The following IQCJ variants were observed in gnomAD, a reference collection of about 807,000 sequenced individuals.
IQCJ encodes IQ domain-containing protein J.
In IQCJ, 9 loss-of-function variants were observed where a neutral mutation model predicts 11.0. That is an observed-to-expected ratio of 0.82 (90% CI 0.49 to 1.43). The LOEUF (loss-of-function observed/expected upper bound fraction) is 1.43, where lower values mean the gene tolerates loss of function less well. IQCJ is among the 40% of genes most tolerant of loss of function. The pLI, the probability that IQCJ is intolerant of heterozygous loss-of-function variation, is 0.00. For missense variants in IQCJ, 146 were observed against 133.2 expected (o/e 1.10, Z -0.47); for synonymous variants, 55 against 51.3 (o/e 1.07, Z -0.31).
chr3:159,165,463 A>G (rs1722110798), intron 1 of IQCJ, among the ~76,000 whole-genome samples: 1 of 152,224 alleles, frequency 6.6e-6, no homozygotes, highest in Non-Finnish European at 1.5e-5. Context: ...TATCCCTCAG[A>G]TTATATTACA....
intron 1 of IQCJ, among the ~76,000 whole-genome samples, chr3:159,164,282 C>G (rs1259592713): frequency 6.6e-6 from 1 of 152,170 alleles, no homozygotes; most frequent in Non-Finnish European, 1.5e-5. Context: ...TCCTGCTTCC[C>G]CACTGACCTG....
At chr3:159,262,086 G>A (rs1203728468) in intron 3 of IQCJ, among the ~76,000 whole-genome samples, 7 of 152,224 alleles carry the variant, frequency 4.6e-5, no homozygotes, top group African/African-American at 1.7e-4. Context: ...GCTGTGCACG[G>A]CAGAGTCCCT....
intron 1 of IQCJ, among the ~76,000 whole-genome samples, chr3:159,209,498 G>A (rs536685634): frequency 6.6e-6 from 1 of 152,244 alleles, no homozygotes; most frequent in African/African-American, 2.4e-5. Context: ...CAAAAGGGCA[G>A]GGTGTCTGTC....
chr3:159,205,153 G>A (rs1370966879), intron 1 of IQCJ, among the ~76,000 whole-genome samples: 2 of 152,128 alleles, frequency 1.3e-5, no homozygotes, highest in Non-Finnish European at 2.9e-5. Flanking sequence ...CAAGTTTGGG[G>A]GCTTCTGAAA....
chr3:159,201,478 T>G (rs1159292437), intron 1 of IQCJ, among the ~76,000 whole-genome samples: 1 of 151,464 alleles, frequency 6.6e-6, no homozygotes, highest in Non-Finnish European at 1.5e-5. Flanking sequence ...AATGCATCTA[T>G]GTAAGCACCA....
chr3:159,250,442 T>G (rs2108209342), intron 2 of IQCJ, among the ~76,000 whole-genome samples: 1 of 152,264 alleles, frequency 6.6e-6, no homozygotes, highest in Non-Finnish European at 1.5e-5. Context: ...ATTATAAAAA[T>G]AAGACTTTCT....
chr3:159,251,902 T>G (rs564932560), intron 2 of IQCJ, among the ~76,000 whole-genome samples: 1 of 152,276 alleles, frequency 6.6e-6, no homozygotes, highest in African/African-American at 2.4e-5. Context: ...ATAAATAAGA[T>G]AATGCACATA....
At chr3:159,253,065 T>C (rs1490640842) in intron 3 of IQCJ, among the ~76,000 whole-genome samples, 3 of 152,172 alleles carry the variant, frequency 2.0e-5, no homozygotes, top group Non-Finnish European at 4.4e-5. Flanking sequence ...GTACAATCCT[T>C]TAACTTCCAC....
intron 1 of IQCJ, among the ~76,000 whole-genome samples, chr3:159,200,442 T>G (rs138274268): frequency 6.2e-4 from 94 of 152,250 alleles, no homozygotes; most frequent in African/African-American, 2.2e-3. Flanking sequence ...AGGGTTATTT[T>G]GCTGCAACCA....
chr3:159,211,868 G>T (rs1445413758), intron 1 of IQCJ, among the ~76,000 whole-genome samples: 1 of 151,924 alleles, frequency 6.6e-6, no homozygotes, highest in Non-Finnish European at 1.5e-5. Flanking sequence ...TATCAAAACT[G>T]GAGTCAAATC....
chr3:159,164,134 C>T (rs1722033698), intron 1 of IQCJ, among the ~76,000 whole-genome samples: 1 of 152,212 alleles, frequency 6.6e-6, no homozygotes, highest in Non-Finnish European at 1.5e-5. Context: ...CCCCTTTAAA[C>T]TTACTTTATA....
chr3:159,070,552 T>G (rs980969363), intron 1 of IQCJ, among the ~76,000 whole-genome samples: 1 of 152,114 alleles, frequency 6.6e-6, no homozygotes, highest in Non-Finnish European at 1.5e-5. Context: ...TAACTGATCT[T>G]GAGTATTGCT....
intron 1 of IQCJ, among the ~76,000 whole-genome samples, chr3:159,104,441 G>C (rs1384263359): frequency 6.6e-6 from 1 of 152,226 alleles, no homozygotes; most frequent in African/African-American, 2.4e-5. Context: ...CTGTGTGTAA[G>C]TGTAATTGTA....
Position 159,262,627 on chromosome 3 carries a change from T to G in IQCJ, c.235T>G (p.Ser79Ala). 6.2e-7 allele frequency: 1 copy of G among 1,614,008 alleles called. No individual in the cohort carries two copies. The highest frequency in any genetic ancestry group is 8.5e-7 in the Non-Finnish European group (1 of 1,179,886). The part of the protein sequence containing the change: ...KRSPSPPSVS[S>A]EKLSSSVSMN... ...GAGCCCGTCCCCACCCTCTGTCTCC[T>G]CAGAGAAGCTGAGCAGCTCTGTCAG... Residue 79 changes from serine (S) to alanine (A), a missense_variant, in exon 4 of 4, where the codon TCA becomes GCA. Physicochemically the swap from Ser to Ala is moderately conservative, Grantham distance 99. Transcript: ENST00000397832.
intron 1 of IQCJ, among the ~76,000 whole-genome samples, chr3:159,157,784 A>G (rs561787420): frequency 2.0e-5 from 3 of 152,282 alleles, no homozygotes; most frequent in South Asian, 4.1e-4. Flanking sequence ...ATTTCCTCTT[A>G]TTTACACATG....
At chr3:159,176,293 AGTTTTAGTTT>A (rs1722790702) in intron 1 of IQCJ, among the ~76,000 whole-genome samples, 1 of 151,812 alleles carries the variant, frequency 6.6e-6, no homozygotes, top group Non-Finnish European at 1.5e-5. Flanking sequence ...TAATTTTTCT[AGTTTTAGTTT>A]GTTATTATTT....
At chr3:159,111,500 G>A (rs752865127) in intron 1 of IQCJ, among the ~76,000 whole-genome samples, 3 of 152,126 alleles carry the variant, frequency 2.0e-5, no homozygotes, top group Non-Finnish European at 4.4e-5. Flanking sequence ...TGAAGGTTAG[G>A]GCTTTTGTTC....
chr3:159,111,959 C>T (rs1291927152), intron 1 of IQCJ, among the ~76,000 whole-genome samples: 3 of 151,096 alleles, frequency 2.0e-5, no homozygotes, highest in Non-Finnish European at 4.4e-5. Flanking sequence ...TTTTTTTTTC[C>T]CCGCAATTGT....
chr3:159,214,777 C>T (rs1463871671), intron 1 of IQCJ, among the ~76,000 whole-genome samples: 1 of 152,206 alleles, frequency 6.6e-6, no homozygotes, highest in African/African-American at 2.4e-5. Context: ...TGGCTCATAT[C>T]TATGACTATT....
Sources: allele counts gnomAD v4.1 joint callset (sites outside exome capture counted in the v4.1 genomes callset), GRCh38; gene constraint gnomAD v4.1.1; transcripts MANE v1.5; gene names NCBI Gene and HGNC (gene_info 2026-07-23, HGNC 2026-07-21).